The following GPHN variants were observed in gnomAD, a reference collection of about 807,000 sequenced individuals.
GPHN encodes gephyrin.
Under a neutral mutation model 95.5 loss-of-function variants are expected in GPHN, and 17 were observed. The observed-to-expected ratio is 0.18, with a 90% CI of 0.12 to 0.27. The LOEUF (loss-of-function observed/expected upper bound fraction) is 0.27, where lower values mean the gene tolerates loss of function less well. Among genes scored for constraint, GPHN ranks in the 10% least tolerant of loss-of-function variants. GPHN has a pLI of 1.00. For missense variants in GPHN, 660 were observed against 978.1 expected (o/e 0.67, Z 4.34); for synonymous variants, 320 against 322.5 (o/e 0.99, Z 0.08).
chr14:67,137,152 T>C (rs2080129916), intron 17 of GPHN, among the ~76,000 whole-genome samples: 1 of 149,636 alleles, frequency 6.7e-6, no homozygotes, highest in African/African-American at 2.4e-5. Flanking sequence ...CAAGAATCTG[T>C]CTTTTTTTTT....
At chr14:66,596,361 C>T (rs904509153) in intron 1 of GPHN, among the ~76,000 whole-genome samples, 2 of 152,114 alleles carry the variant, frequency 1.3e-5, no homozygotes, top group Non-Finnish European at 2.9e-5. Flanking sequence ...CACCAGGTAC[C>T]TGCCCCTTTC....
chr14:67,357,104 T>C, the GPHN span, among the ~76,000 whole-genome samples: 2 of 152,208 alleles, frequency 1.3e-5, no homozygotes, highest in Admixed American at 1.3e-4. Context: ...AGAACCTGGA[T>C]TTAGTGGACT....
At chr14:66,750,732 A>G (rs2058333558) in intron 2 of GPHN, among the ~76,000 whole-genome samples, 1 of 151,984 alleles carries the variant, frequency 6.6e-6, no homozygotes, top group Non-Finnish European at 1.5e-5. Context: ...CTTGAATCCA[A>G]AAACAAATGA....
chr14:67,317,357 G>T, the GPHN span: 1 of 1,425,526 alleles, frequency 7.0e-7, no homozygotes, highest in East Asian at 2.3e-5. Flanking sequence ...TGAGTTATGT[G>T]GTTTTGTTCA....
chr14:67,305,228 C>T, the GPHN span, among the ~76,000 whole-genome samples: 1 of 152,166 alleles, frequency 6.6e-6, no homozygotes, highest in African/African-American at 2.4e-5. Context: ...CTACAATAAT[C>T]CATCCCTCCT....
chr14:67,611,897 G>C, the GPHN span, among the ~76,000 whole-genome samples: 1 of 152,164 alleles, frequency 6.6e-6, no homozygotes, highest in Non-Finnish European at 1.5e-5. Context: ...TGTAGAATCA[G>C]TGGGAGCCCT....
chr14:66,924,045 C>G, intron 7 of GPHN, 149 bp from the exon 8 acceptor site: 2 of 658,042 alleles, frequency 3.0e-6, no homozygotes, highest in Non-Finnish European at 2.8e-6. Flanking sequence ...CATTTAAAAT[C>G]TAAGCTGATT....
intron 8 of GPHN, among the ~76,000 whole-genome samples, chr14:66,945,674 TA>T (rs573085345): frequency 1.3e-3 from 204 of 152,282 alleles, no homozygotes; most frequent in African/African-American, 4.7e-3. Context: ...AAGATTCGAA[TA>T]GACATTTCTC....
the GPHN span, among the ~76,000 whole-genome samples, chr14:67,409,653 G>A: frequency 6.6e-6 from 1 of 152,042 alleles, no homozygotes; most frequent in Admixed American, 6.6e-5. Context: ...CTGGAACTCT[G>A]CTTCTTTCTC....
chr14:66,642,039 A>G (rs2064442838), intron 1 of GPHN, among the ~76,000 whole-genome samples: 16 of 152,170 alleles, frequency 1.1e-4, no homozygotes, highest in Admixed American at 9.8e-4. Context: ...TATTGATGCA[A>G]GAATAGGCTG....
chr14:67,265,413 CTGGA>C, the GPHN span, among the ~76,000 whole-genome samples: 1 of 151,886 alleles, frequency 6.6e-6, no homozygotes, highest in African/African-American at 2.4e-5. Context: ...CAAAAAGTAG[CTGGA>C]TGGTGGCGTG....
chr14:67,052,594 G>A (rs1015141842), intron 10 of GPHN, among the ~76,000 whole-genome samples: 6 of 152,132 alleles, frequency 3.9e-5, no homozygotes, highest in African/African-American at 1.4e-4. Flanking sequence ...GGATCAAGTG[G>A]ACCTGACAGA....
At chr14:66,652,977 C>T (rs2065117949) in intron 1 of GPHN, among the ~76,000 whole-genome samples, 1 of 152,200 alleles carries the variant, frequency 6.6e-6, no homozygotes, top group Non-Finnish European at 1.5e-5. Flanking sequence ...ATTCTCTGGG[C>T]AGTTCTCCCT....
At chr14:67,349,153 C>A in the GPHN span, 1 of 1,535,532 alleles carries the variant, frequency 6.5e-7, no homozygotes, top group South Asian at 1.1e-5. Context: ...CAGAAATAAA[C>A]CTACAGGGAC....
the GPHN span, chr14:67,279,172 T>A: frequency 6.3e-7 from 1 of 1,575,294 alleles, no homozygotes; most frequent in Non-Finnish European, 8.6e-7. Flanking sequence ...TAGATAACCA[T>A]GACAACATCC....
At chr14:66,737,551 C>G in intron 2 of GPHN, among the ~76,000 whole-genome samples, 1 of 152,190 alleles carries the variant, frequency 6.6e-6, no homozygotes, top group East Asian at 1.9e-4. Flanking sequence ...TTGGGTGTTA[C>G]TGACTGCATC....
chr14:66,899,611 TA>T, intron 5 of GPHN, among the ~76,000 whole-genome samples: 2 of 152,048 alleles, frequency 1.3e-5, no homozygotes, highest in Middle Eastern at 6.8e-3. Flanking sequence ...ATTCTTGGAG[TA>T]AACCCACTTG....
At chr14:67,253,409 A>G in the GPHN span, among the ~76,000 whole-genome samples, 1 of 152,320 alleles carries the variant, frequency 6.6e-6, no homozygotes, top group South Asian at 2.1e-4. Flanking sequence ...AGAGAAAACA[A>G]TTTGTTGTCC....
At chr14:66,634,979 A>G (rs2153346462) in intron 1 of GPHN, among the ~76,000 whole-genome samples, 1 of 152,310 alleles carries the variant, frequency 6.6e-6, no homozygotes, top group Admixed American at 6.5e-5. Flanking sequence ...GTAGGTTGAT[A>G]GATTTGTTTC....
Sources: gnomAD v4.1 joint callset for allele counts (sites outside exome capture counted in the v4.1 genomes callset) on GRCh38, gnomAD v4.1.1 for gene constraint, MANE v1.5 for transcripts, NCBI Gene and HGNC (gene_info 2026-07-23, HGNC 2026-07-21) for gene names.